Variants in ZNRF2 observed in about 807,000 individuals in gnomAD.
ZNRF2 encodes the protein E3 ubiquitin-protein ligase ZNRF2.
In ZNRF2, 16 loss-of-function variants were observed where a neutral mutation model predicts 20.4. That is an observed-to-expected ratio of 0.79 (90% confidence interval 0.53 to 1.19). The LOEUF is 1.19. Ranked by LOEUF, ZNRF2 falls within the 50% of genes most tolerant of loss-of-function variation. ZNRF2 has a pLI of 0.00. For synonymous variants in ZNRF2, 178 were observed against 144.9 expected, an observed-to-expected ratio of 1.23 and a Z score of -1.64; for missense variants, 363 against 332.4, an observed-to-expected ratio of 1.09 and a Z score of -0.72.
At chr7:30,343,354 A>G (rs1186263653) in intron 2 of ZNRF2, among the ~76,000 whole-genome samples, 2 of 152,224 alleles carry the variant, frequency 1.3e-5, no homozygotes, top group Non-Finnish European at 2.9e-5. Flanking sequence ...ATGCTACTGC[A>G]CTTCATCCTA....
chr7:30,321,815 C>T (rs1198141220), intron 1 of ZNRF2, among the ~76,000 whole-genome samples: 26 of 152,112 alleles, frequency 1.7e-4, no homozygotes, highest in Admixed American at 1.7e-3. Flanking sequence ...TCTGCTTTCT[C>T]CCCATGGTTG....
chr7:30,362,075 T>C (rs1800135622), intron 3 of ZNRF2, among the ~76,000 whole-genome samples: 1 of 152,222 alleles, frequency 6.6e-6, no homozygotes. Flanking sequence ...AGAAAAATTA[T>C]GCAAATTTGT....
At chr7:30,286,986 AAT>A (rs1331307515) in intron 1 of ZNRF2, among the ~76,000 whole-genome samples, 2 of 152,214 alleles carry the variant, frequency 1.3e-5, no homozygotes, top group African/African-American at 4.8e-5. Context: ...CGCCAGCATA[AAT>A]TAAAAACAGG....
intron 4 of ZNRF2, among the ~76,000 whole-genome samples, chr7:30,365,595 C>T (rs1727777572): frequency 6.6e-6 from 1 of 151,968 alleles, no homozygotes; most frequent in African/African-American, 2.4e-5. Flanking sequence ...TTTTAATAGT[C>T]CTAGATTAAA....
intron 2 of ZNRF2, among the ~76,000 whole-genome samples, chr7:30,334,931 G>C (rs1486348933): frequency 7.2e-5 from 11 of 152,102 alleles, no homozygotes; most frequent in Admixed American, 7.2e-4. Context: ...TTTATAGTCT[G>C]TATAGAAATA....
chr7:30,317,535 T>C (rs191328660), intron 1 of ZNRF2, among the ~76,000 whole-genome samples: 38 of 152,310 alleles, frequency 2.5e-4, no homozygotes, highest in Admixed American at 1.4e-3. Flanking sequence ...GTAATGGGTA[T>C]GTTCTATTGG....
intron 1 of ZNRF2, among the ~76,000 whole-genome samples, chr7:30,311,418 G>A (rs918840057): frequency 1.3e-5 from 2 of 152,152 alleles, no homozygotes; most frequent in Non-Finnish European, 2.9e-5. Context: ...CGAACTACCA[G>A]CAAACCCAAT....
At chr7:30,305,215 G>A (rs1218035637) in intron 1 of ZNRF2, among the ~76,000 whole-genome samples, 1 of 152,050 alleles carries the variant, frequency 6.6e-6, no homozygotes, top group African/African-American at 2.4e-5. Context: ...TTTTTCCCCT[G>A]GAGAACAGTT....
chr7:30,298,268 G>C (rs1799050788), intron 1 of ZNRF2, among the ~76,000 whole-genome samples: 1 of 152,042 alleles, frequency 6.6e-6, no homozygotes, highest in Non-Finnish European at 1.5e-5. Flanking sequence ...GTATGTGTAT[G>C]CTTTGTTCCC....
At chr7:30,328,222 G>GT (rs1799583271) in intron 2 of ZNRF2, among the ~76,000 whole-genome samples, 1 of 152,092 alleles carries the variant, frequency 6.6e-6, no homozygotes, top group South Asian at 2.1e-4. Context: ...AACCATCTAG[G>GT]ATTATTATAA....
At chr7:30,361,910 G>T (rs1204325497) in intron 3 of ZNRF2, among the ~76,000 whole-genome samples, 1 of 152,026 alleles carries the variant, frequency 6.6e-6, no homozygotes, top group African/African-American at 2.4e-5. Flanking sequence ...TGTATTACAT[G>T]GTGGGATAGG....
intron 2 of ZNRF2, among the ~76,000 whole-genome samples, chr7:30,338,430 C>A (rs1261614615): frequency 7.0e-6 from 1 of 142,652 alleles, no homozygotes; most frequent in Non-Finnish European, 1.5e-5. Flanking sequence ...CTAGCCCCCC[C>A]CCACCCCCCA....
chr7:30,285,289 C>G lies in ZNRF2; in HGVS notation c.-69C>G. Reference sequence around the variant, plus strand: ...GGCGCCTGGGCCCTGCCCTCTAGCTCCCGCGCTCGCTCCCGCCCTCCCGGC... The same window carrying G: ...GGCGCCTGGGCCCTGCCCTCTAGCTGCCGCGCTCGCTCCCGCCCTCCCGGC... On this transcript the variant is annotated 5_prime_UTR_variant, in exon 1 of 5. Transcript: ENST00000323037. 2 of 1,035,216 alleles carry G rather than the reference C, an allele frequency of 1.9e-6. No homozygotes were observed. The highest frequency in any genetic ancestry group is 1.7e-5 in the African/African-American group (1 of 57,792). 64.1% of individuals were successfully genotyped at this position (1,035,216 alleles called of 1,614,324 possible).
Position 30,366,582 on chromosome 7 carries a change from C to A in ZNRF2, c.*570C>A, listed in dbSNP as rs1800218681. The A allele has an allele frequency of 6.6e-6, 1 of 152,474 alleles. No individual in the cohort carries two copies. Among genetic ancestry groups the A allele is most frequent in the Admixed American group, 6.6e-5 (1 of 15,260 alleles). 9.4% of individuals were successfully genotyped at this position (152,474 alleles called of 1,614,324 possible). ...AAAACATCTGAATGTAGACCATGATCTCAAGTTCTTCCATTTTCTCCCCCA... is the reference window on the plus strand; with the variant it reads ...AAAACATCTGAATGTAGACCATGATATCAAGTTCTTCCATTTTCTCCCCCA... On this transcript the variant is annotated 3_prime_UTR_variant, in exon 5 of 5. Transcript: ENST00000323037.
chr7:30,298,007 G>C (rs1799045807), intron 1 of ZNRF2, among the ~76,000 whole-genome samples: 1 of 151,966 alleles, frequency 6.6e-6, no homozygotes. Flanking sequence ...TGGGACCACA[G>C]GTGCATGCCA....
chr7:30,328,686 CCTT>C (rs965277346), intron 2 of ZNRF2, among the ~76,000 whole-genome samples: 2 of 152,142 alleles, frequency 1.3e-5, no homozygotes, highest in East Asian at 1.9e-4. Flanking sequence ...CTCACCAAAA[CCTT>C]CTTATTTTTT....
intron 1 of ZNRF2, among the ~76,000 whole-genome samples, chr7:30,309,656 ATGTT>A (rs1306770438): frequency 6.6e-6 from 1 of 152,180 alleles, no homozygotes; most frequent in Non-Finnish European, 1.5e-5. Flanking sequence ...TGTGTGTACT[ATGTT>A]TGGTAATTGT....
At chr7:30,286,194 C>T (rs1414106854) in intron 1 of ZNRF2, among the ~76,000 whole-genome samples, 4 of 152,178 alleles carry the variant, frequency 2.6e-5, no homozygotes, top group Non-Finnish European at 5.9e-5. Flanking sequence ...AGACCAGTTG[C>T]TAAATGTAGT....
In ZNRF2 at chr7:30,284,956, C is replaced by G. The variant is rs1798744374; in HGVS notation, c.-402C>G. 1 of 281,950 alleles carries G rather than the reference C, an allele frequency of 3.5e-6. No homozygotes were observed. Among genetic ancestry groups the G allele is most frequent in the East Asian group, 1.8e-4 (1 of 5,708 alleles). 17.5% of individuals were successfully genotyped at this position (281,950 alleles called of 1,614,324 possible). ...GATGGCGGCGGTAGCAGCGGCCGCC[C>G]GAGAGGAGGCGGTGCCGAGATCGGG... On this transcript the variant is annotated 5_prime_UTR_variant, in exon 1 of 5. Coordinates refer to ENST00000323037, the MANE Select transcript of ZNRF2 (RefSeq NM_147128.4).
Sources: gnomAD v4.1 joint callset for allele counts (sites outside exome capture counted in the v4.1 genomes callset) on GRCh38, gnomAD v4.1.1 for gene constraint, MANE v1.5 for transcripts, NCBI Gene and HGNC (gene_info 2026-07-23, HGNC 2026-07-21) for gene names.